MGAT5: variants seen among roughly 807,000 people sequenced by gnomAD.
The protein encoded by MGAT5 is alpha-1,6-mannosylglycoprotein 6-beta-N-acetylglucosaminyltransferase.
A neutral mutation model predicts 94.3 loss-of-function variants in MGAT5; 30 were observed. The observed-to-expected ratio is 0.32, with a 90% CI of 0.24 to 0.43. The LOEUF (loss-of-function observed/expected upper bound fraction) is 0.43. Among genes scored for constraint, MGAT5 ranks in the 20% least tolerant of loss-of-function variants. The pLI, the probability that MGAT5 is intolerant of heterozygous loss-of-function variation, is 1.00. For synonymous variants in MGAT5, 310 were observed against 322.9 expected, an observed-to-expected ratio of 0.96 and a Z score of 0.43; for missense variants, 691 against 905.5, an observed-to-expected ratio of 0.76 and a Z score of 3.04.
chr2:134,158,018 G>A (rs549802218), intron 1 of MGAT5, among the ~76,000 whole-genome samples: 22 of 152,354 alleles, frequency 1.4e-4, no homozygotes, highest in African/African-American at 4.8e-4. Context: ...ATATCTGGCC[G>A]AGTCTGGCTG....
intron 9 of MGAT5, among the ~76,000 whole-genome samples, chr2:134,360,621 T>C (rs1216254894): frequency 1.3e-5 from 2 of 152,116 alleles, no homozygotes; most frequent in African/African-American, 4.8e-5. Flanking sequence ...TAACAAAAAA[T>C]TTTAGAAATA....
chr2:134,390,447 G>A (rs982076727), intron 10 of MGAT5, among the ~76,000 whole-genome samples: 1 of 152,130 alleles, frequency 6.6e-6, no homozygotes, highest in Admixed American at 6.5e-5. Flanking sequence ...TTGGTGTGCT[G>A]CACCCATTAA....
intron 11 of MGAT5, among the ~76,000 whole-genome samples, chr2:134,410,622 C>T (rs963166028): frequency 3.3e-5 from 5 of 152,178 alleles, no homozygotes; most frequent in Non-Finnish European, 5.9e-5. Flanking sequence ...ACATTCAAGT[C>T]CATTAAGCAA....
At chr2:134,448,582 G>A (rs1685926946) in intron 15 of MGAT5, 67 bp from the exon 16 acceptor site, 2 of 1,476,200 alleles carry the variant, frequency 1.4e-6, no homozygotes, top group South Asian at 2.3e-5. Context: ...GGGGCTCACA[G>A]GGCCAGTGAC....
chr2:134,291,751 A>G (rs996269104), intron 2 of MGAT5, among the ~76,000 whole-genome samples: 13 of 152,206 alleles, frequency 8.5e-5, no homozygotes. Flanking sequence ...CTGTGAGAAT[A>G]TATTTAAGTG....
At chr2:134,202,762 C>G (rs1404924555) in intron 1 of MGAT5, among the ~76,000 whole-genome samples, 1 of 152,180 alleles carries the variant, frequency 6.6e-6, no homozygotes, top group Non-Finnish European at 1.5e-5. Context: ...CTCCTTTTAA[C>G]CACTATTTTC....
At chr2:134,237,123 A>ATGTGTGTGTGTGTG (rs68003122) in intron 1 of MGAT5, among the ~76,000 whole-genome samples, 5,519 of 140,596 alleles carry the variant, frequency 0.039, 135 homozygotes, top group Non-Finnish European at 0.052. Context: ...GAAGGAGTAT[A>ATGTGTGTGTGTGTG]TGTGTGTGTG....
At chr2:134,377,651 T>G (rs1448290122) in intron 10 of MGAT5, among the ~76,000 whole-genome samples, 4 of 152,210 alleles carry the variant, frequency 2.6e-5, no homozygotes, top group African/African-American at 9.6e-5. Flanking sequence ...AAAGGCAATG[T>G]AGGCAGTGGT....
At chr2:134,292,533 C>T (rs1289728812) in intron 2 of MGAT5, among the ~76,000 whole-genome samples, 1 of 152,164 alleles carries the variant, frequency 6.6e-6, no homozygotes, top group Non-Finnish European at 1.5e-5. Context: ...AAGCCAGGTT[C>T]TGGTTTCTTT....
upstream of MGAT5, chr2:134,253,244 G>C (rs1364189828): frequency 6.6e-6 from 1 of 152,138 alleles, no homozygotes; most frequent in Non-Finnish European, 1.5e-5. Context: ...AGTACAGCCT[G>C]GGTTAGTCTC....
intron 1 of MGAT5, among the ~76,000 whole-genome samples, chr2:134,140,217 A>G (rs1485435215): frequency 6.6e-6 from 1 of 152,236 alleles, no homozygotes; most frequent in Admixed American, 6.5e-5. Flanking sequence ...GCTACAAAAC[A>G]GGGAGAAAAA....
chr2:134,290,309 A>G (rs1201873683), intron 2 of MGAT5, among the ~76,000 whole-genome samples: 1 of 152,206 alleles, frequency 6.6e-6, no homozygotes, highest in Non-Finnish European at 1.5e-5. Flanking sequence ...ACTTTTAAAA[A>G]TTACTCCGTT....
intron 1 of MGAT5, among the ~76,000 whole-genome samples, chr2:134,138,723 C>T (rs1335035176): frequency 6.6e-6 from 1 of 152,178 alleles, no homozygotes; most frequent in Non-Finnish European, 1.5e-5. Flanking sequence ...CCCTTATTTT[C>T]ACCGGACAAA....
intron 1 of MGAT5, among the ~76,000 whole-genome samples, chr2:134,216,720 T>A (rs1680514959): frequency 6.6e-6 from 1 of 152,240 alleles, no homozygotes; most frequent in Non-Finnish European, 1.5e-5. Context: ...GTATCAATTT[T>A]TATGCTGCTA....
At chr2:134,191,361 C>T (rs1333954420) in intron 1 of MGAT5, among the ~76,000 whole-genome samples, 1 of 152,238 alleles carries the variant, frequency 6.6e-6, no homozygotes, top group African/African-American at 2.4e-5. Context: ...CATGCAGACT[C>T]AACCCTCCTG....
intron 1 of MGAT5, among the ~76,000 whole-genome samples, chr2:134,227,337 A>G (rs1681115262): frequency 6.6e-6 from 1 of 152,092 alleles, no homozygotes; most frequent in African/African-American, 2.4e-5. Context: ...CCCATACTGG[A>G]TTGAGCTCTG....
At chr2:134,137,287 A>G (rs1686452678) in intron 1 of MGAT5, among the ~76,000 whole-genome samples, 1 of 152,140 alleles carries the variant, frequency 6.6e-6, no homozygotes, top group African/African-American at 2.4e-5. Flanking sequence ...TCCCCTAGGA[A>G]TTGGGGCTTG....
intron 2 of MGAT5, among the ~76,000 whole-genome samples, chr2:134,282,560 T>G (rs548136047): frequency 2.0e-5 from 3 of 152,292 alleles, no homozygotes; most frequent in Admixed American, 6.5e-5. Flanking sequence ...CAGAGATCGA[T>G]TTGTTTCTTT....
intron 1 of MGAT5, among the ~76,000 whole-genome samples, chr2:134,248,835 G>C (rs1682428061): frequency 6.6e-6 from 1 of 152,162 alleles, no homozygotes; most frequent in Non-Finnish European, 1.5e-5. Flanking sequence ...CCTTGTGTCA[G>C]AAATAGGGCC....
Sources: gnomAD v4.1 joint callset for allele counts (sites outside exome capture counted in the v4.1 genomes callset) on GRCh38, gnomAD v4.1.1 for gene constraint, MANE v1.5 for transcripts, NCBI Gene and HGNC (gene_info 2026-07-23, HGNC 2026-07-21) for gene names.